Variants in PIBF1 observed in about 807,000 individuals in gnomAD.
PIBF1 encodes progesterone-induced-blocking factor 1.
A neutral mutation model predicts 112.5 loss-of-function variants in PIBF1; 90 were observed. The observed-to-expected ratio is 0.80, with a 90% CI of 0.67 to 0.95. The LOEUF (loss-of-function observed/expected upper bound fraction) is 0.95. PIBF1 is among the 40% of genes least tolerant of loss of function. PIBF1 has a pLI of 0.00. For synonymous variants in PIBF1, 301 were observed against 288.6 expected (o/e 1.04, Z -0.44); for missense variants, 915 against 852.3 (o/e 1.07, Z -0.92).
chr13:72,928,210 C>T (rs1157037822), intron 13 of PIBF1, among the ~76,000 whole-genome samples: 1 of 151,418 alleles, frequency 6.6e-6, no homozygotes, highest in Non-Finnish European at 1.5e-5. Context: ...CTAATACTCA[C>T]GGTCCTTCCC....
At chr13:72,986,034 G>A (rs766047300) in intron 16 of PIBF1, among the ~76,000 whole-genome samples, 1 of 151,810 alleles carries the variant, frequency 6.6e-6, no homozygotes, top group Non-Finnish European at 1.5e-5. Flanking sequence ...GTGGTGGCTC[G>A]TGCCTATAGT....
Position 72,921,260 on chromosome 13 carries a change from G to A in PIBF1, c.1730+4094G>A, listed in dbSNP as rs184687560. On this transcript the variant is annotated intron_variant, in intron 13 of 17. Coordinates refer to ENST00000326291, the MANE Select transcript of PIBF1 (RefSeq NM_006346.4). The stretch of plus-strand genomic sequence containing the variant: ...TGGGACTACAGGTGCATGCCACCAC[G>A]CCTGGCTAATTGTTTGTATTTTAGT... Among the ~76,000 whole-genome samples the A allele has an allele frequency of 8.8e-3, 1,336 of 151,902 alleles. 63 individuals are homozygous for A. The highest frequency in any genetic ancestry group is 9.5e-3 in the East Asian group (49 of 5,154).
intron 9 of PIBF1, among the ~76,000 whole-genome samples, chr13:72,842,877 A>T (rs766313740): frequency 6.6e-6 from 1 of 152,180 alleles, no homozygotes; most frequent in Non-Finnish European, 1.5e-5. Context: ...ATTATCAGTT[A>T]TCTTTTATTG....
intron 5 of PIBF1, among the ~76,000 whole-genome samples, chr13:72,810,054 A>T (rs1006800281): frequency 6.6e-6 from 1 of 152,196 alleles, no homozygotes; most frequent in Non-Finnish European, 1.5e-5. Flanking sequence ...TTTTACTTCA[A>T]GTCCGGAGTT....
At chr13:73,007,459 A>G (rs533957206) in intron 17 of PIBF1, among the ~76,000 whole-genome samples, 15 of 152,242 alleles carry the variant, frequency 9.9e-5, no homozygotes, top group South Asian at 4.1e-4. Context: ...CATTTTAACA[A>G]TCAGTTACCA....
intron 13 of PIBF1, among the ~76,000 whole-genome samples, chr13:72,923,983 A>G (rs1326649230): frequency 6.6e-6 from 1 of 152,214 alleles, no homozygotes; most frequent in Non-Finnish European, 1.5e-5. Flanking sequence ...ATTTTTTTAA[A>G]TAAAGATCTT....
intron 10 of PIBF1, among the ~76,000 whole-genome samples, chr13:72,877,835 C>T (rs190678689): frequency 4.0e-5 from 6 of 151,658 alleles, no homozygotes; most frequent in South Asian, 2.1e-4. Context: ...CCTCAACCTC[C>T]GCCTCTCTGG....
chr13:72,888,577 G>A (rs2039942970), intron 10 of PIBF1, among the ~76,000 whole-genome samples: 1 of 152,030 alleles, frequency 6.6e-6, no homozygotes. Flanking sequence ...ATGCTTTGAA[G>A]CATTTTGAAA....
chr13:72,834,791 G>A (rs1171277900), intron 8 of PIBF1, among the ~76,000 whole-genome samples: 1 of 152,100 alleles, frequency 6.6e-6, no homozygotes, highest in African/African-American at 2.4e-5. Context: ...CGGTGTGGCT[G>A]TGGTTGTCAT....
chr13:72,931,006 C>G (rs1594218998), intron 13 of PIBF1, among the ~76,000 whole-genome samples, 159 bp from the exon 14 acceptor site: 1 of 152,124 alleles, frequency 6.6e-6, no homozygotes, highest in African/African-American at 2.4e-5. Flanking sequence ...TGGTCTTCCA[C>G]TACTGGTGCC....
At position 72,973,732 on chromosome 13, in the gene PIBF1, A is replaced by G. The variant is rs558293496; in HGVS notation, c.2049+57A>G. Reference sequence around the variant, plus strand: ...ATTTTAGGCTTTTTTAAAAACTGCTATCAGGTTAAAATTATTGGATCCCAG... The same window carrying G: ...ATTTTAGGCTTTTTTAAAAACTGCTGTCAGGTTAAAATTATTGGATCCCAG... On this transcript the variant is annotated intron_variant, in intron 16 of 17. Coordinates refer to ENST00000326291, the MANE Select transcript of PIBF1 (RefSeq NM_006346.4). The G allele has an allele frequency of 2.6e-5, 24 of 929,584 alleles. No homozygotes were observed. In the Admixed American group the frequency reaches 4.0e-4, roughly 15 times the overall value. 57.6% of individuals were successfully genotyped at this position (929,584 alleles called of 1,614,324 possible).
At chr13:73,013,300 C>CAAAAAAAAAA (rs869055620) in intron 17 of PIBF1, among the ~76,000 whole-genome samples, 4 of 14,668 alleles carry the variant, frequency 2.7e-4, no homozygotes, top group Non-Finnish European at 3.3e-4. Flanking sequence ...GACTCTGTCT[C>CAAAAAAAAAA]AAAAAAAAAA....
At chr13:72,964,597 T>C (rs2042691391) in intron 14 of PIBF1, among the ~76,000 whole-genome samples, 1 of 152,138 alleles carries the variant, frequency 6.6e-6, no homozygotes, top group Non-Finnish European at 1.5e-5. Context: ...ATTATTGAAT[T>C]ATGGTGTGAA....
In PIBF1 at chr13:72,854,100, C is replaced by G. The variant is rs374837848; in HGVS notation, c.1267C>G (p.Arg423Gly). The change falls in exon 10 of 18, where the codon CGA (arginine) becomes GGA (glycine). Residue 423 changes from arginine (R) to glycine (G), a missense_variant. Coordinates refer to ENST00000326291, the MANE Select transcript of PIBF1 (RefSeq NM_006346.4). ...ARDNAVAEKE[R>G]AVMAEKDALE... The stretch of plus-strand genomic sequence containing the variant: ...GGATAATGCTGTGGCTGAAAAGGAA[C>G]GAGCAGTGATGGCTGAAAAGGATGC... The G allele has an allele frequency of 1.9e-6, 3 of 1,613,046 alleles. No individual in the cohort carries two copies. Among genetic ancestry groups the G allele is most frequent in the Non-Finnish European group, 2.5e-6 (3 of 1,179,302 alleles).
intron 6 of PIBF1, among the ~76,000 whole-genome samples, chr13:72,825,715 T>C (rs1423068458): frequency 6.6e-6 from 1 of 152,148 alleles, no homozygotes; most frequent in Admixed American, 6.6e-5. Flanking sequence ...CAAAGTAATA[T>C]TTATTTAATA....
chr13:72,973,041 T>C (rs1167934763), intron 15 of PIBF1, among the ~76,000 whole-genome samples: 1 of 152,234 alleles, frequency 6.6e-6, no homozygotes, highest in African/African-American at 2.4e-5. Context: ...CTTTAAAACA[T>C]TAATTTTATG....
chr13:72,810,496 G>A (rs2035956722), intron 5 of PIBF1, among the ~76,000 whole-genome samples: 1 of 152,158 alleles, frequency 6.6e-6, no homozygotes, highest in African/African-American at 2.4e-5. Context: ...AGATTATCTT[G>A]AGGTTCATCT....
intron 1 of PIBF1, among the ~76,000 whole-genome samples, chr13:72,782,594 C>T (rs1190181979): frequency 6.6e-6 from 1 of 152,120 alleles, no homozygotes; most frequent in African/African-American, 2.4e-5. Context: ...CCTTATCATT[C>T]AGTTTAGAAA....
chr13:72,833,885 C>A (rs7324461), intron 8 of PIBF1, among the ~76,000 whole-genome samples: 113,052 of 152,044 alleles, frequency 0.74, 42,417 homozygotes, highest in African/African-American at 0.82. Flanking sequence ...TCCCAGGGAG[C>A]TAGGAGTTTT....
Sources: gnomAD v4.1 joint callset for allele counts (sites outside exome capture counted in the v4.1 genomes callset) on GRCh38, gnomAD v4.1.1 for gene constraint, MANE v1.5 for transcripts, NCBI Gene and HGNC (gene_info 2026-07-23, HGNC 2026-07-21) for gene names.